MTUS2: variants seen among roughly 807,000 people sequenced by gnomAD.
MTUS2 encodes microtubule associated scaffold protein 2.
A neutral mutation model predicts 114.1 loss-of-function variants in MTUS2; 40 were observed. The observed-to-expected ratio is 0.35, with a 90% CI of 0.27 to 0.46. The LOEUF (loss-of-function observed/expected upper bound fraction) is 0.46. Ranked by LOEUF, MTUS2 falls within the 20% of genes least tolerant of loss-of-function variation. The pLI, the probability that MTUS2 is intolerant of heterozygous loss-of-function variation, is 1.00. For synonymous variants in MTUS2, 688 were observed against 672.0 expected (o/e 1.02, Z -0.37); for missense variants, 1,679 against 1,705.4 (o/e 0.98, Z 0.27).
chr13:29,378,860 A>C (rs1379371020), intron 8 of MTUS2, among the ~76,000 whole-genome samples: 1 of 152,098 alleles, frequency 6.6e-6, no homozygotes, highest in East Asian at 1.9e-4. Flanking sequence ...GTCCCCACCC[A>C]AATCTCATCT....
chr13:29,226,588 A>AT (rs1475364992), intron 5 of MTUS2, among the ~76,000 whole-genome samples: 1 of 151,912 alleles, frequency 6.6e-6, no homozygotes, highest in Admixed American at 6.5e-5. Flanking sequence ...ATAAATATTA[A>AT]TTTTTTTCTC....
chr13:29,226,948 A>G (rs559155861), intron 5 of MTUS2, among the ~76,000 whole-genome samples: 3 of 152,036 alleles, frequency 2.0e-5, no homozygotes, highest in African/African-American at 7.2e-5. Flanking sequence ...CCCTTCTTAC[A>G]TGTGTCCTGG....
At chr13:29,061,980 G>C (rs1888441781) in intron 4 of MTUS2, among the ~76,000 whole-genome samples, 1 of 152,204 alleles carries the variant, frequency 6.6e-6, no homozygotes, top group East Asian at 1.9e-4. Flanking sequence ...CTTTGTTACT[G>C]TTTGAAGAAT....
chr13:29,230,726 A>G (rs1351128308), intron 5 of MTUS2, among the ~76,000 whole-genome samples: 2 of 152,226 alleles, frequency 1.3e-5, no homozygotes, highest in East Asian at 3.8e-4. Context: ...TCACAATTTC[A>G]GGACTAGAGT....
chr13:29,284,354 T>C (rs556401105), intron 6 of MTUS2, among the ~76,000 whole-genome samples: 1 of 151,372 alleles, frequency 6.6e-6, no homozygotes, highest in East Asian at 2.0e-4. Context: ...GAAAATGTTA[T>C]ATATGAACTT....
chr13:29,233,710 T>A (rs549140367), intron 5 of MTUS2, among the ~76,000 whole-genome samples: 2 of 152,212 alleles, frequency 1.3e-5, no homozygotes, highest in Non-Finnish European at 2.9e-5. Flanking sequence ...CAGGGAAACA[T>A]TTCTGCCATG....
intron 5 of MTUS2, among the ~76,000 whole-genome samples, chr13:29,247,867 T>C (rs1896983230): frequency 6.6e-6 from 1 of 152,220 alleles, no homozygotes; most frequent in Non-Finnish European, 1.5e-5. Flanking sequence ...TCAAAGTAGA[T>C]CTACTGTTTG....
chr13:29,255,079 C>A (rs1384517232), intron 5 of MTUS2, among the ~76,000 whole-genome samples: 2 of 152,110 alleles, frequency 1.3e-5, no homozygotes, highest in African/African-American at 4.8e-5. Context: ...TGATTTTTCC[C>A]AGCGGTGCAC....
At chr13:29,381,474 G>C (rs1308092414) in intron 8 of MTUS2, among the ~76,000 whole-genome samples, 1 of 152,058 alleles carries the variant, frequency 6.6e-6, no homozygotes, top group South Asian at 2.1e-4. Context: ...ATTTTTATTT[G>C]CTAACATTTA....
intron 5 of MTUS2, among the ~76,000 whole-genome samples, chr13:29,128,751 T>C (rs974328738): frequency 1.3e-5 from 2 of 151,966 alleles, no homozygotes; most frequent in African/African-American, 2.4e-5. Context: ...AATTCAAACA[T>C]AAAAAAAATG....
At chr13:29,131,955 T>G (rs1400017375) in intron 5 of MTUS2, among the ~76,000 whole-genome samples, 1 of 152,240 alleles carries the variant, frequency 6.6e-6, no homozygotes, top group Non-Finnish European at 1.5e-5. Flanking sequence ...TTTAAAAATC[T>G]TGACCACAAG....
chr13:29,228,574 C>T (rs1437657880), intron 5 of MTUS2, among the ~76,000 whole-genome samples: 1 of 152,170 alleles, frequency 6.6e-6, no homozygotes, highest in Non-Finnish European at 1.5e-5. Flanking sequence ...CCTGCCTCAG[C>T]CTCCCAAATT....
At chr13:29,326,206 AG>A (rs1257047992) in intron 7 of MTUS2, among the ~76,000 whole-genome samples, 6 of 152,168 alleles carry the variant, frequency 3.9e-5, no homozygotes, top group Admixed American at 3.9e-4. Context: ...ATGGGGAGCA[AG>A]CCCTCCCCCA....
At chr13:28,871,157 A>G (rs1877595215) in intron 2 of MTUS2, among the ~76,000 whole-genome samples, 1 of 152,178 alleles carries the variant, frequency 6.6e-6, no homozygotes, top group Non-Finnish European at 1.5e-5. Context: ...AATTAATAGG[A>G]CACAGTATTT....
At chr13:29,199,043 G>T (rs926068295) in intron 5 of MTUS2, among the ~76,000 whole-genome samples, 4 of 152,052 alleles carry the variant, frequency 2.6e-5, no homozygotes, top group South Asian at 2.1e-4. Flanking sequence ...TTCCTGTTCA[G>T]ATATCCTTTA....
At chr13:29,090,874 G>A (rs1213949196) in intron 4 of MTUS2, among the ~76,000 whole-genome samples, 1 of 152,204 alleles carries the variant, frequency 6.6e-6, no homozygotes, top group Admixed American at 6.5e-5. Flanking sequence ...GCAGACTGGA[G>A]TTCTGTCTCT....
chr13:28,950,811 GA>G (rs1882773329), intron 2 of MTUS2, among the ~76,000 whole-genome samples: 1 of 152,132 alleles, frequency 6.6e-6, no homozygotes, highest in African/African-American at 2.4e-5. Context: ...AATATTGTGA[GA>G]ATTATCAAAA....
chr13:29,279,790 C>T (rs1317565424), intron 5 of MTUS2, among the ~76,000 whole-genome samples: 3 of 152,150 alleles, frequency 2.0e-5, no homozygotes, highest in East Asian at 1.9e-4. Flanking sequence ...TCTAAATTGA[C>T]GTGTTCACAG....
chr13:29,120,639 A>G (rs1891270663), intron 5 of MTUS2, among the ~76,000 whole-genome samples: 1 of 152,178 alleles, frequency 6.6e-6, no homozygotes, highest in South Asian at 2.1e-4. Flanking sequence ...AATAAAAAGA[A>G]AGGGACTAAT....
Sources: allele counts gnomAD v4.1 joint callset (sites outside exome capture counted in the v4.1 genomes callset), GRCh38; gene constraint gnomAD v4.1.1; transcripts MANE v1.5; gene names NCBI Gene and HGNC (gene_info 2026-07-23, HGNC 2026-07-21).